The following CLIC5 variants were observed in gnomAD, a reference collection of about 807,000 sequenced individuals.
CLIC5 encodes the protein chloride intracellular channel protein 5.
In CLIC5, 20 loss-of-function variants were observed where a neutral mutation model predicts 24.7. The observed-to-expected ratio is 0.81, with a 90% confidence interval of 0.57 to 1.18. The LOEUF is 1.18. Among genes scored for constraint, CLIC5 ranks in the 50% most tolerant of loss-of-function variants. The pLI is 0.00. For missense variants in CLIC5, 341 were observed against 326.1 expected (o/e 1.05, Z -0.35); for synonymous variants, 159 against 135.6 (o/e 1.17, Z -1.20).
At chr6:45,931,083 G>A (rs1160924281) in intron 4 of CLIC5, among the ~76,000 whole-genome samples, 1 of 152,212 alleles carries the variant, frequency 6.6e-6, no homozygotes, top group Non-Finnish European at 1.5e-5. Flanking sequence ...TGAGAATGAT[G>A]TGAAATTCAA....
rs558714428 is a variant in CLIC5 at position 46,030,551 on chromosome 6, TCGG to T, written c.540+49149_540+49151del. Among the ~76,000 whole-genome samples, 73 of 152,308 alleles carry T rather than the reference TCGG, an allele frequency of 4.8e-4. 2 individuals are homozygous for T. In the East Asian group the frequency reaches 0.014, roughly 29 times the overall value. On this transcript the variant is annotated intron_variant, in intron 1 of 5. Coordinates refer to the CLIC5 transcript ENST00000185206. ...CCCTTGCTCAAAACCCTTTAGTGGC[TCGG>T]CATGGACTGCACTCCCCAGAATGAT...
chr6:45,896,940 A>G (rs1762401177), downstream of CLIC5, among the ~76,000 whole-genome samples: 1 of 152,222 alleles, frequency 6.6e-6, no homozygotes, highest in Non-Finnish European at 1.5e-5. Flanking sequence ...CAACTTGGCT[A>G]ATATACCACT....
intron 1 of CLIC5, among the ~76,000 whole-genome samples, chr6:46,055,821 C>T (rs1210540456): frequency 1.3e-5 from 2 of 152,160 alleles, no homozygotes; most frequent in African/African-American, 4.8e-5. Flanking sequence ...GTGTTGTCTT[C>T]TCATTTAAAA....
upstream of CLIC5, among the ~76,000 whole-genome samples, chr6:46,083,197 G>A (rs1762960787): frequency 6.6e-6 from 1 of 152,184 alleles, no homozygotes; most frequent in Non-Finnish European, 1.5e-5. Context: ...GATGTATCTA[G>A]CATTCATGTC....
chr6:46,106,640 G>C, the CLIC5 span, among the ~76,000 whole-genome samples: 2 of 152,240 alleles, frequency 1.3e-5, no homozygotes, highest in African/African-American at 4.8e-5. Context: ...TGGTTATTTT[G>C]AAAAGGTTTC....
At chr6:45,959,776 C>A (rs1764787750) in intron 1 of CLIC5, among the ~76,000 whole-genome samples, 1 of 152,196 alleles carries the variant, frequency 6.6e-6, no homozygotes, top group African/African-American at 2.4e-5. Flanking sequence ...CTTCCACAAC[C>A]ATCAGACTTT....
intron 1 of CLIC5, among the ~76,000 whole-genome samples, chr6:45,962,483 CA>C (rs5875950): frequency 0.36 from 40,811 of 112,270 alleles, 6,015 homozygotes; most frequent in African/African-American, 0.45. Flanking sequence ...TAATGTCATC[CA>C]AAAAAAAAAA....
intron 1 of CLIC5, among the ~76,000 whole-genome samples, chr6:46,037,695 C>A (rs1767700796): frequency 6.6e-6 from 1 of 152,182 alleles, no homozygotes; most frequent in African/African-American, 2.4e-5. Context: ...GTATCAGTAG[C>A]ACTATTCATT....
intron 3 of CLIC5, among the ~76,000 whole-genome samples, chr6:45,943,747 G>T (rs928064135): frequency 1.3e-5 from 2 of 152,144 alleles, no homozygotes; most frequent in African/African-American, 4.8e-5. Context: ...GGGATGTGTG[G>T]TACCAAATCC....
chr6:45,992,725 C>T (rs1765986204), intron 1 of CLIC5, among the ~76,000 whole-genome samples: 1 of 152,176 alleles, frequency 6.6e-6, no homozygotes, highest in Non-Finnish European at 1.5e-5. Context: ...GCTTTGTAAA[C>T]ATGTTTTCCC....
chr6:45,903,183 C>A lies in CLIC5; in HGVS notation c.661G>T (p.Ala221Ser). 1.2e-6 allele frequency: 2 copies of A among 1,613,678 alleles called. No homozygotes were observed. Among genetic ancestry groups the A allele is most frequent in the Non-Finnish European group, 1.7e-6 (2 of 1,179,834 alleles). Residue 221 changes from alanine to serine, a missense_variant, in exon 6 of 6, where the codon GCC becomes TCC. Transcript: ENST00000339561. ...TTGGTGAACTCATCACGGGCATAGG[C>A]GTTCTTGAGGTACCGCCACAGGCCT... The part of the protein sequence containing the change: ...MTGLWRYLKN[A>S]YARDEFTNTC...
the CLIC5 span, among the ~76,000 whole-genome samples, chr6:46,110,282 T>A: frequency 6.6e-6 from 1 of 152,322 alleles, no homozygotes; most frequent in East Asian, 1.9e-4. Context: ...GTAGCCTCCA[T>A]GATTGTGATG....
At chr6:46,012,184 T>C (rs1477805818) in intron 1 of CLIC5, among the ~76,000 whole-genome samples, 1 of 152,202 alleles carries the variant, frequency 6.6e-6, no homozygotes, top group African/African-American at 2.4e-5. Context: ...GTGTCTAGAT[T>C]TGGACAATAA....
chr6:45,969,661 G>A (rs1366651281), intron 1 of CLIC5, among the ~76,000 whole-genome samples: 1 of 152,152 alleles, frequency 6.6e-6, no homozygotes, highest in East Asian at 1.9e-4. Context: ...CCTTTGGAAA[G>A]TCATCTTCGA....
rs1554151283 is a variant in CLIC5, at chr6:45,958,441, T to TACACACACACACACACACACACACAC, written c.64-3198_64-3197insGTGTGTGTGTGTGTGTGTGTGTGTGT. Among the ~76,000 whole-genome samples, 90 of 17,938 alleles carry TACACACACACACACACACACACACAC rather than the reference T, an allele frequency of 5.0e-3. 4 individuals carry two copies. The highest frequency in any genetic ancestry group is 0.025 in the East Asian group (31 of 1,250). The allele number at this position is 17,938 out of a possible 152,430, so 11.8% of individuals were successfully genotyped here. A position where few individuals can be genotyped will look rare whatever the true frequency, so the allele number is the denominator to read the frequency against. On this transcript the variant is annotated intron_variant, in intron 1 of 5. Coordinates refer to ENST00000339561, the MANE Select transcript of CLIC5 (RefSeq NM_016929.5). ...AGACAATTATATATATATATATATATATATATATATATATATATATATATA... is the reference window on the plus strand; with the variant it reads ...AGACAATTATATATATATATATATATACACACACACACACACACACACACACATATATATATATATATATATATATA...
At chr6:45,914,596 A>G (rs1762949749) in intron 4 of CLIC5, 187 bp from the exon 5 acceptor site, 1 of 1,156,208 alleles carries the variant, frequency 8.6e-7, no homozygotes, top group East Asian at 3.3e-5. Context: ...ATAGGCTGAA[A>G]AGGCAAACTC....
chr6:45,992,049 G>A (rs1765961296), intron 1 of CLIC5, among the ~76,000 whole-genome samples: 1 of 152,166 alleles, frequency 6.6e-6, no homozygotes, highest in African/African-American at 2.4e-5. Flanking sequence ...GTTGATAAAG[G>A]GCAGCGATGG....
chr6:45,973,462 A>G (rs776095244), intron 1 of CLIC5, among the ~76,000 whole-genome samples: 1 of 152,110 alleles, frequency 6.6e-6, no homozygotes, highest in Non-Finnish European at 1.5e-5. Context: ...CAGGGTTTCT[A>G]TTTGTATGAC....
chr6:45,955,826 G>T (rs898016291), intron 1 of CLIC5, among the ~76,000 whole-genome samples: 3 of 151,850 alleles, frequency 2.0e-5, no homozygotes, highest in Non-Finnish European at 4.4e-5. Context: ...GAAGCTCAAG[G>T]CTTTAATCAA....
Sources: gnomAD v4.1 joint callset for allele counts (sites outside exome capture counted in the v4.1 genomes callset) on GRCh38, gnomAD v4.1.1 for gene constraint, MANE v1.5 for transcripts, NCBI Gene and HGNC (gene_info 2026-07-23, HGNC 2026-07-21) for gene names.